The following ATP9A variants were observed in gnomAD, a reference collection of about 807,000 sequenced individuals.
The protein encoded by ATP9A is ATPase phospholipid transporting 9A, also known as probable phospholipid-transporting ATPase IIA.
A neutral mutation model predicts 144.1 loss-of-function variants in ATP9A; 52 were observed. The ratio of observed to expected loss-of-function variants is 0.36; its 90% confidence interval spans 0.29 to 0.45. The LOEUF is 0.45. Among genes scored for constraint, ATP9A ranks in the 20% least tolerant of loss-of-function variants. The pLI is 1.00. For missense variants in ATP9A, 947 were observed against 1,392.7 expected (o/e 0.68, Z 5.09); for synonymous variants, 582 against 557.4 (o/e 1.04, Z -0.62).
chr20:51,622,434 T>C (rs997665469), intron 18 of ATP9A, among the ~76,000 whole-genome samples: 1 of 152,196 alleles, frequency 6.6e-6, no homozygotes, highest in African/African-American at 2.4e-5. Flanking sequence ...GGAGGTACTA[T>C]GAAGCTCGGT....
chr20:51,608,465 A>G (rs762712126), intron 25 of ATP9A, 53 bp downstream of exon 25: 21 of 1,166,184 alleles, frequency 1.8e-5, no homozygotes, highest in Non-Finnish European at 2.7e-5. Flanking sequence ...GAGGGAAGGA[A>G]GGGAAAAGCA....
rs186194581 is a variant in ATP9A, at chr20:51,634,830, G to A, written c.1668+4513C>T. Among the ~76,000 whole-genome samples the A allele has an allele frequency of 2.6e-4, 19 of 71,920 alleles. No homozygotes were observed. The Admixed American group carries it at 3.4e-3, about 13-fold the overall frequency. 47.2% of individuals were successfully genotyped at this position (71,920 alleles called of 152,430 possible). ...AGATCACGCCATTGCACTCCAGTCT[G>A]GGAAACAAAAACAAAACTCCATCTC... On this transcript the variant is annotated intron_variant, in intron 15 of 27. Transcript: ENST00000338821.
chr20:51,754,230 G>A (rs540200350), intron 1 of ATP9A, among the ~76,000 whole-genome samples: 2 of 152,214 alleles, frequency 1.3e-5, no homozygotes, highest in Admixed American at 1.3e-4. Flanking sequence ...CGCTGGGCGC[G>A]GTGGCTCATG....
chr20:51,729,200 C>T (rs192058294), intron 2 of ATP9A, among the ~76,000 whole-genome samples: 1 of 152,264 alleles, frequency 6.6e-6, no homozygotes, highest in Non-Finnish European at 1.5e-5. Context: ...TTCTTTTCTG[C>T]TGTTTTGGTC....
At chr20:51,623,415 G>T (rs1163548929) in intron 18 of ATP9A, among the ~76,000 whole-genome samples, 1 of 152,178 alleles carries the variant, frequency 6.6e-6, no homozygotes, top group Non-Finnish European at 1.5e-5. Flanking sequence ...GCTTCCCAAT[G>T]TGAGAACCTG....
intron 19 of ATP9A, 58 bp from the exon 20 acceptor site, chr20:51,619,101 A>C: frequency 6.7e-7 from 1 of 1,489,166 alleles, no homozygotes; most frequent in Non-Finnish European, 9.3e-7. Flanking sequence ...ATAGAACAAC[A>C]AACAGTGGCT....
At chr20:51,664,751 C>A (rs6126285) in intron 13 of ATP9A, among the ~76,000 whole-genome samples, 74,138 of 151,436 alleles carry the variant, frequency 0.49, 18,868 homozygotes, top group East Asian at 0.79. Flanking sequence ...GAGGAGTCTC[C>A]CTCTGTCACC....
chr20:51,744,323 AG>A (rs2077798295), intron 1 of ATP9A, among the ~76,000 whole-genome samples: 1 of 151,886 alleles, frequency 6.6e-6, no homozygotes, highest in Non-Finnish European at 1.5e-5. Flanking sequence ...GCACCACCAC[AG>A]CCGGCTAATT....
chr20:51,721,573 G>T (rs955008980), intron 3 of ATP9A, among the ~76,000 whole-genome samples: 6 of 152,106 alleles, frequency 3.9e-5, no homozygotes, highest in African/African-American at 7.2e-5. Context: ...GCCAAGGTGG[G>T]TGGATCACGA....
At chr20:51,720,707 G>A (rs538450141) in intron 3 of ATP9A, among the ~76,000 whole-genome samples, 11 of 152,254 alleles carry the variant, frequency 7.2e-5, no homozygotes, top group Non-Finnish European at 1.2e-4. Flanking sequence ...GGTAGTGGCT[G>A]CCTGTAATCC....
chr20:51,693,900 G>A (rs1048543845), intron 7 of ATP9A, 108 bp downstream of exon 7: 15 of 955,288 alleles, frequency 1.6e-5, no homozygotes, highest in Non-Finnish European at 2.3e-5. Flanking sequence ...CTCCCCTACT[G>A]GCCCCACTTC....
chr20:51,623,932 A>G (rs574945242), intron 18 of ATP9A, among the ~76,000 whole-genome samples: 63 of 152,340 alleles, frequency 4.1e-4, no homozygotes, highest in Admixed American at 1.3e-3. Context: ...CTAGAATGGT[A>G]AGTCACATGC....
At chr20:51,673,508 G>A (rs6096523) in intron 11 of ATP9A, among the ~76,000 whole-genome samples, 37,219 of 151,994 alleles carry the variant, frequency 0.24, 4,934 homozygotes, top group Non-Finnish European at 0.28. Context: ...ATTTCCCTTT[G>A]AGCCCAGATG....
chr20:51,749,784 A>G (rs2077823823), intron 1 of ATP9A, among the ~76,000 whole-genome samples: 1 of 152,128 alleles, frequency 6.6e-6, no homozygotes, highest in South Asian at 2.1e-4. Flanking sequence ...TGACTTTGCA[A>G]TGGCTACACC....
intron 15 of ATP9A, among the ~76,000 whole-genome samples, chr20:51,638,541 C>T (rs550415268): frequency 2.0e-5 from 3 of 152,108 alleles, no homozygotes; most frequent in Admixed American, 1.3e-4. Flanking sequence ...CTCCCCACGA[C>T]GGAAAGTGTG....
At position 51,596,913 on chromosome 20, in the gene ATP9A, C is replaced by A. The variant is rs998010373; in HGVS notation, c.*4298G>T. The A allele has an allele frequency of 6.6e-6, 1 of 152,112 alleles. No homozygotes were observed. Among genetic ancestry groups the A allele is most frequent in the South Asian group, 2.1e-4 (1 of 4,824 alleles). The allele number at this position is 152,112 out of a possible 1,614,324, so 9.4% of individuals were successfully genotyped here. A position where few individuals can be genotyped will look rare whatever the true frequency, so the allele number is the denominator to read the frequency against. ...AATTTAAATCATCTGGAAGTTCCTG[C>A]TAAATTAAAGCATACTGTGCCAGAG... On this transcript the variant is annotated 3_prime_UTR_variant, in exon 28 of 28. Coordinates refer to ENST00000338821, the MANE Select transcript of ATP9A (RefSeq NM_006045.3).
chr20:51,622,218 C>A, intron 18 of ATP9A, 46 bp from the exon 19 acceptor site: 1 of 1,528,004 alleles, frequency 6.5e-7, no homozygotes, highest in Non-Finnish European at 9.1e-7. Context: ...GTTTTTGAGG[C>A]CGGCCTGTCA....
At chr20:51,746,426 C>T (rs999496851) in intron 1 of ATP9A, among the ~76,000 whole-genome samples, 9 of 152,166 alleles carry the variant, frequency 5.9e-5, no homozygotes, top group African/African-American at 2.2e-4. Flanking sequence ...AGGCTGGGCA[C>T]GGTGGCTCAC....
intron 15 of ATP9A, among the ~76,000 whole-genome samples, chr20:51,636,519 G>T (rs1179792247): frequency 6.6e-6 from 1 of 152,038 alleles, no homozygotes; most frequent in African/African-American, 2.4e-5. Context: ...TGAGCTTTTC[G>T]ATGTCCCTCT....
Sources: gnomAD v4.1 joint callset for allele counts (sites outside exome capture counted in the v4.1 genomes callset) on GRCh38, gnomAD v4.1.1 for gene constraint, MANE v1.5 for transcripts, NCBI Gene and HGNC (gene_info 2026-07-23, HGNC 2026-07-21) for gene names.